The following PAG1 variants were observed in gnomAD, a reference collection of about 807,000 sequenced individuals.
The protein encoded by PAG1 is phosphoprotein membrane anchor with glycosphingolipid microdomains 1.
PAG1 carries 23 observed loss-of-function variants against 31.7 expected under a neutral mutation model. The observed-to-expected ratio is 0.73, with a 90% CI of 0.52 to 1.03. The LOEUF is 1.03. PAG1 is among the 50% of genes least tolerant of loss of function. The pLI is 0.00. For missense variants in PAG1, 473 were observed against 540.7 expected (o/e 0.87, Z 1.24); for synonymous variants, 214 against 210.3 (o/e 1.02, Z -0.15).
chr8:81,083,068 C>T lies in PAG1; in HGVS notation c.-233-12898G>A, dbSNP rs1809294992. On this transcript the variant is annotated intron_variant, in intron 1 of 8. Coordinates refer to ENST00000220597, the MANE Select transcript of PAG1 (RefSeq NM_018440.4). ...TAGTTGCCTTCCTCTGTTACCACTCCCAGAAGGGAATGGGGAGACTGTGTT... is the reference window on the plus strand; with the variant it reads ...TAGTTGCCTTCCTCTGTTACCACTCTCAGAAGGGAATGGGGAGACTGTGTT... 2.0e-5 allele frequency among the ~76,000 whole-genome samples: 3 copies of T among 152,044 alleles called. 1 individual carries two copies. The South Asian group carries it at 6.2e-4, about 32-fold the overall frequency.
At chr8:81,023,054 C>T (rs938499994) in intron 3 of PAG1, among the ~76,000 whole-genome samples, 3 of 152,090 alleles carry the variant, frequency 2.0e-5, no homozygotes, top group African/African-American at 4.8e-5. Flanking sequence ...TAAACTTTTG[C>T]AAACCTCCAT....
intron 2 of PAG1, among the ~76,000 whole-genome samples, chr8:81,042,871 A>T (rs981509705): frequency 2.0e-5 from 3 of 152,120 alleles, no homozygotes; most frequent in African/African-American, 4.8e-5. Flanking sequence ...TCTTTAGCAG[A>T]AGAGATTCTG....
Position 80,987,218 on chromosome 8 carries a change from T to G in PAG1, c.274+152A>C, listed in dbSNP as rs953132827. The G allele has an allele frequency of 6.7e-6, 4 of 593,984 alleles. No homozygotes were observed. The African/African-American group carries it at 7.4e-5, about 11-fold the overall frequency. The allele number at this position is 593,984 out of a possible 1,614,324, so 36.8% of individuals were successfully genotyped here. On this transcript the variant is annotated intron_variant, in intron 6 of 8. Transcript: ENST00000220597. ...AGAAGTGGATTAATAAGTAGCAGTA[T>G]TCATCCAAATGAGGGGTTCTGCTAA...
At chr8:81,036,148 T>C (rs1019783389) in intron 2 of PAG1, among the ~76,000 whole-genome samples, 2 of 152,206 alleles carry the variant, frequency 1.3e-5, no homozygotes, top group Non-Finnish European at 2.9e-5. Context: ...CATCAGTTTT[T>C]ACATCTGCTA....
intron 5 of PAG1, among the ~76,000 whole-genome samples, chr8:80,988,394 G>A (rs1807470288): frequency 6.6e-6 from 1 of 152,216 alleles, no homozygotes; most frequent in African/African-American, 2.4e-5. Context: ...AACCAGCAAA[G>A]CCTCTGGCTG....
Position 80,985,329 on chromosome 8 carries a change from A to C in PAG1, c.323T>G (p.Val108Gly), listed in dbSNP as rs757861891. The C allele has an allele frequency of 6.2e-7, 1 of 1,614,094 alleles. No individual in the cohort carries two copies. Among genetic ancestry groups the C allele is most frequent in the South Asian group, 1.1e-5 (1 of 91,068 alleles). The change falls in exon 7 of 9, where the codon GTC becomes GGC. Residue 108 changes from valine to glycine, a missense_variant. Transcript: ENST00000220597. Reference protein sequence around the residue: ...TLTCMQHYEEVQTSASDLLDS... With the variant: ...TLTCMQHYEEGQTSASDLLDS... ...CAGCAGATCCGAGGCCGATGTCTGG[A>C]CTTCCTCGTAATGCTGCATGCAGGT...
intron 3 of PAG1, among the ~76,000 whole-genome samples, chr8:80,995,370 A>G (rs1439226126): frequency 6.6e-6 from 1 of 152,246 alleles, no homozygotes; most frequent in Non-Finnish European, 1.5e-5. Context: ...CAGTAATAAC[A>G]AGTCAAATTA....
rs936026180 is a variant in PAG1, at chr8:80,990,558, C to T, written c.177+921G>A. On this transcript the variant is annotated intron_variant, in intron 5 of 8. Transcript: ENST00000220597. The surrounding 1 kb of genome is among the most constrained non-coding windows in gnomAD (Gnocchi z 5.1). ...GCCTTGCTAATGTGACGATGGGCCCCCTCCCCAGCGGCTGGGACTGCTCAG... is the reference window on the plus strand; with the variant it reads ...GCCTTGCTAATGTGACGATGGGCCCTCTCCCCAGCGGCTGGGACTGCTCAG... Among the ~76,000 whole-genome samples, 5 of 152,106 alleles carry T rather than the reference C, an allele frequency of 3.3e-5. No homozygotes were observed. Among genetic ancestry groups the T allele is most frequent in the African/African-American group, 1.2e-4 (5 of 41,404 alleles).
intron 1 of PAG1, among the ~76,000 whole-genome samples, chr8:81,093,742 C>A (rs891362272): frequency 8.6e-5 from 13 of 151,852 alleles, no homozygotes; most frequent in Admixed American, 2.6e-4. Context: ...TCTGGACGAT[C>A]AGCCACACGC....
intron 6 of PAG1, among the ~76,000 whole-genome samples, chr8:80,987,116 A>C (rs1245972549): frequency 1.3e-5 from 2 of 152,236 alleles, no homozygotes; most frequent in African/African-American, 2.4e-5. Context: ...GAATTAGTAC[A>C]TGTAAATGTA....
intron 1 of PAG1, among the ~76,000 whole-genome samples, chr8:81,092,222 A>C (rs983249796): frequency 6.6e-6 from 1 of 151,290 alleles, no homozygotes; most frequent in African/African-American, 2.4e-5. Flanking sequence ...AGGAAAAGAA[A>C]AAAAAGAAAA....
intron 3 of PAG1, among the ~76,000 whole-genome samples, chr8:81,002,463 A>T (rs140660716): frequency 6.6e-6 from 1 of 152,186 alleles, no homozygotes; most frequent in East Asian, 1.9e-4. Flanking sequence ...GGAAAAGTAA[A>T]CCCTCAAGAC....
chr8:80,994,243 G>A (rs1244303642), intron 3 of PAG1, among the ~76,000 whole-genome samples: 1 of 152,130 alleles, frequency 6.6e-6, no homozygotes, highest in East Asian at 1.9e-4. Context: ...TTTATTCTGA[G>A]TATGTTATGT....
intron 3 of PAG1, among the ~76,000 whole-genome samples, chr8:81,026,818 C>T (rs143249040): frequency 6.6e-6 from 1 of 152,272 alleles, no homozygotes; most frequent in African/African-American, 2.4e-5. Flanking sequence ...GCAGGAGAAC[C>T]TGGCCCTGCC....
intron 3 of PAG1, among the ~76,000 whole-genome samples, chr8:81,006,848 G>C (rs1807885873): frequency 6.6e-6 from 1 of 152,122 alleles, no homozygotes; most frequent in South Asian, 2.1e-4. Context: ...AACTTTTTTG[G>C]AGAGGCCTTA....
In PAG1 at chr8:80,975,458, A is replaced by G. The variant is rs1282090053; in HGVS notation, c.*1086T>C. The stretch of plus-strand genomic sequence containing the variant: ...GGCACTTTTGAGAAATTAGGCATTG[A>G]ACATAAAACATCTTATAAACTTACA... On this transcript the variant is annotated 3_prime_UTR_variant, in exon 9 of 9. Transcript: ENST00000220597. 1 of 152,246 alleles carries G rather than the reference A, an allele frequency of 6.6e-6. No homozygotes were observed. Among genetic ancestry groups the G allele is most frequent in the African/African-American group, 2.4e-5 (1 of 41,474 alleles). The allele number at this position is 152,246 out of a possible 1,614,324, so 9.4% of individuals were successfully genotyped here. A position where few individuals can be genotyped will look rare whatever the true frequency, so the allele number is the denominator to read the frequency against.
At chr8:81,006,829 A>T (rs1183712623) in intron 3 of PAG1, among the ~76,000 whole-genome samples, 2 of 152,358 alleles carry the variant, frequency 1.3e-5, no homozygotes, top group East Asian at 3.9e-4. Flanking sequence ...TGTATGCCAC[A>T]GTATTAAGAA....
Position 80,971,779 on chromosome 8 carries a change from GAC to G in PAG1, c.*4763_*4764del, listed in dbSNP as rs1807082807. 1 of 152,048 alleles carries G rather than the reference GAC, an allele frequency of 6.6e-6. No individual in the cohort carries two copies. Among genetic ancestry groups the G allele is most frequent in the African/African-American group, 2.4e-5 (1 of 41,396 alleles). The allele number at this position is 152,048 out of a possible 1,614,324, so 9.4% of individuals were successfully genotyped here. ...CAAAGAAGAACTTGAAAAAAATAAT[GAC>G]ATACTTCACAAATAGTAGAGACTAG... On this transcript the variant is annotated 3_prime_UTR_variant, in exon 9 of 9. Transcript: ENST00000220597.
chr8:81,106,325 C>T (rs917542205), intron 1 of PAG1, among the ~76,000 whole-genome samples: 6 of 152,092 alleles, frequency 3.9e-5, no homozygotes, highest in Admixed American at 2.6e-4. Context: ...AGATTACAGG[C>T]GTGAGTCACC....
Sources: gnomAD v4.1 joint callset for allele counts (sites outside exome capture counted in the v4.1 genomes callset) on GRCh38, gnomAD v4.1.1 for gene constraint, Gnocchi (gnomAD v3.1) non-coding constraint, MANE v1.5 for transcripts, NCBI Gene and HGNC (gene_info 2026-07-23, HGNC 2026-07-21) for gene names.